The following NRXN1 variants were observed in gnomAD, a reference collection of about 807,000 sequenced individuals.
NRXN1 encodes the protein neurexin-1.
NRXN1 carries 39 observed loss-of-function variants against 150.9 expected under a neutral mutation model. The ratio of observed to expected loss-of-function variants is 0.26; its 90% CI spans 0.20 to 0.34. The LOEUF is 0.34. Among genes scored for constraint, NRXN1 ranks in the 10% least tolerant of loss-of-function variants. The pLI, the probability that NRXN1 is intolerant of heterozygous loss-of-function variation, is 1.00. For synonymous variants in NRXN1, 924 were observed against 757.0 expected, an observed-to-expected ratio of 1.22 and a Z score of -3.62; for missense variants, 1,815 against 1,949.9, an observed-to-expected ratio of 0.93 and a Z score of 1.30.
At chr2:50,820,663 C>A (rs1574593657) in intron 5 of NRXN1, among the ~76,000 whole-genome samples, 2 of 152,240 alleles carry the variant, frequency 1.3e-5, no homozygotes, top group African/African-American at 2.4e-5. Context: ...GGGATGTAGA[C>A]AGCAGTACCT....
At chr2:50,616,235 T>C (rs530610343) in intron 8 of NRXN1, 4 of 152,204 alleles carry the variant, frequency 2.6e-5, no homozygotes, top group Non-Finnish European at 5.9e-5. Context: ...AAGTTCCTTG[T>C]CATTTTAAAC....
chr2:50,516,848 G>C (rs1174474050), intron 12 of NRXN1, among the ~76,000 whole-genome samples: 1 of 151,978 alleles, frequency 6.6e-6, no homozygotes. Context: ...CAGTTAAAAA[G>C]TACTTTGACT....
Position 50,623,976 on chromosome 2 carries a change from T to C in NRXN1, c.833-361A>G, listed in dbSNP as rs570096816. The stretch of plus-strand genomic sequence containing the variant: ...GTCCCCGGTGTGTGTGATGTTCCCC[T>C]TCCTGTGTTCATGTGTTCTCATTGT... On this transcript the variant is annotated intron_variant, in intron 5 of 22. Transcript: ENST00000401669. 7.7e-4 allele frequency among the ~76,000 whole-genome samples: 117 copies of C among 152,072 alleles called. No homozygotes were observed. In the Middle Eastern group the frequency reaches 0.02, roughly 27 times the overall value.
chr2:50,225,894 A>G (rs1451553696), intron 18 of NRXN1, among the ~76,000 whole-genome samples: 1 of 152,054 alleles, frequency 6.6e-6, no homozygotes, highest in Non-Finnish European at 1.5e-5. Context: ...TAACTAGAGA[A>G]AATGCTTTAT....
chr2:50,569,395 C>T (rs1404234667), intron 8 of NRXN1, among the ~76,000 whole-genome samples: 1 of 151,938 alleles, frequency 6.6e-6, no homozygotes, highest in East Asian at 1.9e-4. Flanking sequence ...ATCAAAATAT[C>T]TTATGTACTC....
intron 5 of NRXN1, among the ~76,000 whole-genome samples, chr2:50,722,430 A>C (rs1372370548): frequency 1.3e-5 from 2 of 152,194 alleles, no homozygotes; most frequent in Non-Finnish European, 2.9e-5. Flanking sequence ...TGATATATCC[A>C]CACAATGGAA....
chr2:50,531,149 C>T (rs2093091238), intron 11 of NRXN1, 78 bp downstream of exon 11: 2 of 1,132,062 alleles, frequency 1.8e-6, no homozygotes, highest in South Asian at 2.8e-5. Flanking sequence ...GGCAAACAGG[C>T]TACTTGATCA....
At chr2:50,245,674 T>C (rs1214993356) in intron 17 of NRXN1, among the ~76,000 whole-genome samples, 1 of 151,904 alleles carries the variant, frequency 6.6e-6, no homozygotes, top group Non-Finnish European at 1.5e-5. Flanking sequence ...CAAAGGTTAA[T>C]TGTGAAAATG....
chr2:50,429,390 G>A (rs2084765216), intron 17 of NRXN1, among the ~76,000 whole-genome samples: 1 of 152,096 alleles, frequency 6.6e-6, no homozygotes, highest in Non-Finnish European at 1.5e-5. Flanking sequence ...CCGAGTAGCT[G>A]AAATTACAGG....
At chr2:50,130,118 A>C (rs1705255442) in intron 18 of NRXN1, among the ~76,000 whole-genome samples, 1 of 152,164 alleles carries the variant, frequency 6.6e-6, no homozygotes, top group Non-Finnish European at 1.5e-5. Context: ...AAGGCCTCTC[A>C]CAGTTTTGTC....
chr2:50,375,035 A>G (rs1001506353), intron 17 of NRXN1, among the ~76,000 whole-genome samples: 16 of 152,214 alleles, frequency 1.1e-4, no homozygotes, highest in African/African-American at 3.9e-4. Flanking sequence ...TGCCCTAAAA[A>G]TAAGTGCAAT....
chr2:50,207,792 A>T (rs2062720932), intron 18 of NRXN1: 1 of 164,330 alleles, frequency 6.1e-6, no homozygotes, highest in South Asian at 2.1e-4. Context: ...CATTTGGGAA[A>T]GTTCTCTTAA....
intron 2 of NRXN1, among the ~76,000 whole-genome samples, chr2:51,007,005 C>A (rs1201110227): frequency 6.6e-6 from 1 of 151,850 alleles, no homozygotes; most frequent in Non-Finnish European, 1.5e-5. Flanking sequence ...CAGTGACCTG[C>A]CTATCTGATG....
chr2:50,711,941 G>C (rs939622556), intron 5 of NRXN1, among the ~76,000 whole-genome samples: 1 of 152,140 alleles, frequency 6.6e-6, no homozygotes, highest in Admixed American at 6.5e-5. Context: ...CTTGATCTTG[G>C]ACGTGCCAGT....
intron 19 of NRXN1, among the ~76,000 whole-genome samples, chr2:50,083,928 A>C (rs1160360966): frequency 1.3e-5 from 2 of 152,106 alleles, no homozygotes; most frequent in East Asian, 1.9e-4. Flanking sequence ...TCAGCTAGAC[A>C]CAGAGCGCAG....
chr2:50,101,788 A>C (rs1701014395), intron 18 of NRXN1, among the ~76,000 whole-genome samples: 1 of 152,036 alleles, frequency 6.6e-6, no homozygotes, highest in Non-Finnish European at 1.5e-5. Context: ...TTTGTGAATC[A>C]TGACTTGCAA....
chr2:50,835,239 C>G lies in NRXN1; in HGVS notation c.832+86630G>C, dbSNP rs376599916. On this transcript the variant is annotated intron_variant, in intron 5 of 22. Transcript: ENST00000401669. ...TTGTCTCCCAAAAAAAATTTAAACT[C>G]CTAAGTGAAAGATGAAGTAATATGA... Among the ~76,000 whole-genome samples the G allele has an allele frequency of 8.6e-5, 13 of 152,046 alleles. No homozygotes were observed. The South Asian group carries it at 2.7e-3, about 32-fold the overall frequency.
chr2:49,996,149 TTTGTG>T (rs1419001113), intron 21 of NRXN1, among the ~76,000 whole-genome samples: 1 of 152,148 alleles, frequency 6.6e-6, no homozygotes, highest in Non-Finnish European at 1.5e-5. Context: ...ATTAAAATTA[TTTGTG>T]TGTGAGAGTC....
chr2:50,822,045 G>C (rs1218801168), intron 5 of NRXN1, among the ~76,000 whole-genome samples: 6 of 152,108 alleles, frequency 3.9e-5, no homozygotes, highest in African/African-American at 1.2e-4. Context: ...TCACGTTTGA[G>C]TAAATTTTGG....
Sources: gnomAD v4.1 joint callset for allele counts (sites outside exome capture counted in the v4.1 genomes callset) on GRCh38, gnomAD v4.1.1 for gene constraint, MANE v1.5 for transcripts, NCBI Gene and HGNC (gene_info 2026-07-23, HGNC 2026-07-21) for gene names.